Variants in H2BC12 observed in about 807,000 individuals in gnomAD.
H2BC12 encodes the protein histone H2B type 1-K.
A neutral mutation model predicts 6.3 loss-of-function variants in H2BC12; 6 were observed. The ratio of observed to expected loss-of-function variants is 0.95; its 90% CI spans 0.52 to 1.87. The LOEUF (loss-of-function observed/expected upper bound fraction) is 1.87, where lower values mean the gene tolerates loss of function less well. Among genes scored for constraint, H2BC12 ranks in the 40% most tolerant of loss-of-function variants. The pLI is 0.01. For synonymous variants in H2BC12, 132 were observed against 78.5 expected, an observed-to-expected ratio of 1.68 and a Z score of -3.60; for missense variants, 119 against 178.4, an observed-to-expected ratio of 0.67 and a Z score of 1.90.
downstream of H2BC12, among the ~76,000 whole-genome samples, chr6:27,142,358 C>G (rs537426583): frequency 2.7e-5 from 4 of 150,716 alleles, no homozygotes; most frequent in African/African-American, 9.8e-5. Flanking sequence ...CTGCAACCTC[C>G]GCCTCCCGGG....
At chr6:27,145,331 CACACACA>C (rs1003095047), downstream of H2BC12, among the ~76,000 whole-genome samples, 4 of 148,218 alleles carry the variant, frequency 2.7e-5, no homozygotes, top group African/African-American at 1.0e-4. Context: ...CACACACACA[CACACACA>C]AAATTCCCCT....
chr6:27,141,891 T>C (rs940176711), downstream of H2BC12, among the ~76,000 whole-genome samples: 1 of 152,222 alleles, frequency 6.6e-6, no homozygotes, highest in Admixed American at 6.5e-5. Context: ...GTTCTGCTCA[T>C]TGAGTGTCTT....
chr6:27,141,490 G>A (rs144730994), downstream of H2BC12, among the ~76,000 whole-genome samples: 4 of 151,802 alleles, frequency 2.6e-5, no homozygotes, highest in East Asian at 1.9e-4. Context: ...AAATTGCCCC[G>A]AACATACACT....
downstream of H2BC12, among the ~76,000 whole-genome samples, chr6:27,141,544 A>G (rs1171959658): frequency 6.6e-6 from 1 of 152,192 alleles, no homozygotes; most frequent in Non-Finnish European, 1.5e-5. Flanking sequence ...CTTAGTAGAT[A>G]GATAAGCCAT....
chr6:27,145,153 T>G (rs995463552), downstream of H2BC12, among the ~76,000 whole-genome samples: 4 of 152,184 alleles, frequency 2.6e-5, no homozygotes, highest in African/African-American at 9.7e-5. Context: ...AAATTACTGG[T>G]AGGATAAATA....
chr6:27,141,532 C>CT (rs1380464494), downstream of H2BC12, among the ~76,000 whole-genome samples: 12 of 152,278 alleles, frequency 7.9e-5, no homozygotes, highest in South Asian at 4.1e-4. Context: ...TAATCACACT[C>CT]TCTTAGTAGA....
chr6:27,139,066 G>A, the H2BC12 span: 2 of 437,116 alleles, frequency 4.6e-6, no homozygotes, highest in African/African-American at 4.0e-5. Flanking sequence ...TTTTTGTTAT[G>A]AGGCAGGAAT....
chr6:27,144,459 C>T (rs1270638102), downstream of H2BC12, among the ~76,000 whole-genome samples: 26 of 322 alleles, frequency 0.081, no homozygotes, highest in Non-Finnish European at 0.15. Context: ...GAGACTCTGT[C>T]TGGGGGGGGG....
chr6:27,141,050 G>GA, the H2BC12 span, among the ~76,000 whole-genome samples: 5,250 of 140,134 alleles, frequency 0.037, 227 homozygotes, highest in African/African-American at 0.1. Flanking sequence ...CAATCTGGGG[G>GA]AAAAAAAAAA....
chr6:27,141,743 T>C (rs774800787), downstream of H2BC12, among the ~76,000 whole-genome samples: 38 of 151,496 alleles, frequency 2.5e-4, no homozygotes, highest in Admixed American at 1.3e-3. Flanking sequence ...TCTGCAGCAA[T>C]GTAACACGTC....
downstream of H2BC12, chr6:27,146,352 T>C (rs1581435659): frequency 6.2e-7 from 1 of 1,607,282 alleles, no homozygotes; most frequent in South Asian, 1.1e-5. Flanking sequence ...AGCTCTAATA[T>C]CGATAATTTA....
downstream of H2BC12, among the ~76,000 whole-genome samples, chr6:27,144,957 C>T (rs1373655694): frequency 6.6e-6 from 1 of 152,098 alleles, no homozygotes; most frequent in Admixed American, 6.5e-5. Context: ...CCACGCCCCC[C>T]CTAATTTTTG....
rs777527345 is a variant in H2BC12, at chr6:27,146,508, C to T, written c.291G>A (p.Thr97=). The change falls in exon 1 of 1, where the codon ACG becomes ACA. Residue 97 remains threonine (T), a synonymous_variant. Transcript: ENST00000356950. ...CCCCGGGCAGCAGCAGGCGCACGGC[C>T]GTCTGGATCTCCCTGGAGGTGATGG... ...RSTITSREIQ[T]AVRLLLPGEL... 11 of 1,614,106 alleles carry T rather than the reference C, an allele frequency of 6.8e-6. No individual in the cohort carries two copies. The highest frequency in any genetic ancestry group is 9.3e-6 in the Non-Finnish European group (11 of 1,180,050).
In H2BC12 at chr6:27,146,811, C is replaced by T. The variant is rs761807353; in HGVS notation, c.-13G>A. The stretch of plus-strand genomic sequence containing the variant: ...CTGGTTCCGGCATGTTGAAGGCGAA[C>T]TACGAGCCTGAGACGAGCAGCAGAT... On this transcript the variant is annotated 5_prime_UTR_variant, in exon 1 of 1. Transcript: ENST00000356950. The T allele has an allele frequency of 8.1e-6, 13 of 1,613,084 alleles. No individual in the cohort carries two copies. The highest frequency in any genetic ancestry group is 9.3e-6 in the Non-Finnish European group (11 of 1,179,450).
the H2BC12 span, chr6:27,139,285 C>T: frequency 3.2e-6 from 5 of 1,579,120 alleles, no homozygotes; most frequent in African/African-American, 2.7e-5. Context: ...AGGCAGCAGA[C>T]CTTTGTTCTC....
rs779911387 is a variant in H2BC12 at position 27,146,828 on chromosome 6, G to T, written c.-30C>A. Reference sequence around the variant, plus strand: ...AAGGCGAACTACGAGCCTGAGACGAGCAGCAGATCGAGAAAACGGGAAGTA... The same window carrying T: ...AAGGCGAACTACGAGCCTGAGACGATCAGCAGATCGAGAAAACGGGAAGTA... On this transcript the variant is annotated 5_prime_UTR_variant, in exon 1 of 1. Transcript: ENST00000356950. 8.1e-6 allele frequency: 13 copies of T among 1,606,118 alleles called. No homozygotes were observed. The East Asian group carries it at 2.5e-4, about 30-fold the overall frequency.
At chr6:27,141,721 G>T (rs1194787777), downstream of H2BC12, among the ~76,000 whole-genome samples, 1 of 151,624 alleles carries the variant, frequency 6.6e-6, no homozygotes. Context: ...ATATAGTTAT[G>T]TTATTGTTAA....
chr6:27,146,612 T>A lies in H2BC12; in HGVS notation c.187A>T (p.Met63Leu). ...AAGATGTCGTTGACGAAGGAGTTCA[T>A]GATTCCCATGGCCTTAGAGGAGATG... is the stretch of plus-strand genomic sequence containing the variant. ...TGISSKAMGI[M>L]NSFVNDIFER... Residue 63 changes from methionine (M) to leucine (L), a missense_variant, in exon 1 of 1, where the codon ATG becomes TTG. Physicochemically the swap from Met to Leu is conservative, Grantham distance 15 (BLOSUM62 2). Coordinates refer to ENST00000356950, the MANE Select transcript of H2BC12 (RefSeq NM_001312653.2). 1.2e-6 allele frequency: 2 copies of A among 1,614,278 alleles called. No homozygotes were observed. The highest frequency in any genetic ancestry group is 1.7e-6 in the Non-Finnish European group (2 of 1,180,054).
At chr6:27,143,501 C>T (rs116030475), downstream of H2BC12, among the ~76,000 whole-genome samples, 937 of 151,870 alleles carry the variant, frequency 6.2e-3, 7 homozygotes, top group African/African-American at 0.019. Flanking sequence ...AGATTTGCTC[C>T]TTTGTATTAA....
Sources: allele counts gnomAD v4.1 joint callset (sites outside exome capture counted in the v4.1 genomes callset), GRCh38; gene constraint gnomAD v4.1.1; transcripts MANE v1.5; gene names NCBI Gene and HGNC (gene_info 2026-07-23, HGNC 2026-07-21).